The following CTIF variants were observed in gnomAD, a reference collection of about 807,000 sequenced individuals.
The protein encoded by CTIF is cap binding complex dependent translation initiation factor.
CTIF carries 21 observed loss-of-function variants against 66.0 expected under a neutral mutation model. The observed-to-expected ratio is 0.32, with a 90% CI of 0.23 to 0.46. The LOEUF is 0.46. Ranked by LOEUF, CTIF falls within the 20% of genes least tolerant of loss-of-function variation. The pLI, the probability that CTIF is intolerant of heterozygous loss-of-function variation, is 1.00. For synonymous variants in CTIF, 345 were observed against 326.4 expected, an observed-to-expected ratio of 1.06 and a Z score of -0.62; for missense variants, 739 against 812.7, an observed-to-expected ratio of 0.91 and a Z score of 1.10.
chr18:48,734,036 G>A (rs952092065), intron 7 of CTIF, among the ~76,000 whole-genome samples: 2 of 152,266 alleles, frequency 1.3e-5, no homozygotes, highest in African/African-American at 4.8e-5. Flanking sequence ...AAAGCCAGTT[G>A]GCAATGCCAT....
chr18:48,593,642 A>T (rs1420490947), intron 1 of CTIF, among the ~76,000 whole-genome samples: 1 of 151,912 alleles, frequency 6.6e-6, no homozygotes, highest in Non-Finnish European at 1.5e-5. Context: ...TCAGCCTCCC[A>T]AAGTGCTGGG....
At position 48,758,075 on chromosome 18, in the gene CTIF, C is replaced by A; in HGVS notation, c.741C>A (p.Asn247Lys). 6.2e-7 allele frequency: 1 copy of A among 1,614,102 alleles called. No individual in the cohort carries two copies. Among genetic ancestry groups the A allele is most frequent in the African/African-American group, 1.3e-5 (1 of 75,024 alleles). ...GRPTHHGYSQNRRWHHGNMKH... is the reference protein window; with the variant it reads ...GRPTHHGYSQKRRWHHGNMKH... Reference sequence around the variant, plus strand: ...CCACTCACCATGGCTACAGCCAGAACCGGCGCTGGCACCATGGCAACATGA... The same window carrying A: ...CCACTCACCATGGCTACAGCCAGAAACGGCGCTGGCACCATGGCAACATGA... The change falls in exon 8 of 12, where the codon AAC (asparagine) becomes AAA (lysine). Residue 247 changes from asparagine (N) to lysine (K), a missense_variant. Coordinates refer to ENST00000256413, the MANE Select transcript of CTIF (RefSeq NM_014772.3).
At chr18:48,673,467 T>A (rs977382617) in intron 6 of CTIF, 3 of 152,166 alleles carry the variant, frequency 2.0e-5, no homozygotes, top group African/African-American at 7.2e-5. Flanking sequence ...GATTTTTCCA[T>A]CGTCTCCTGT....
chr18:48,693,634 C>T (rs2091964604), intron 6 of CTIF, among the ~76,000 whole-genome samples: 1 of 152,122 alleles, frequency 6.6e-6, no homozygotes, highest in Non-Finnish European at 1.5e-5. Flanking sequence ...GGCAGAAAAC[C>T]AGCACCCAGT....
intron 10 of CTIF, among the ~76,000 whole-genome samples, chr18:48,847,859 C>T (rs750751486): frequency 7.2e-5 from 11 of 152,186 alleles, no homozygotes; most frequent in African/African-American, 2.4e-4. Context: ...GATAGCCTTT[C>T]TTGGATAGAT....
chr18:48,619,861 T>C (rs2090462771), intron 2 of CTIF, 116 bp downstream of exon 2: 1 of 1,037,148 alleles, frequency 9.6e-7, no homozygotes, highest in Non-Finnish European at 1.3e-6. Flanking sequence ...GCATGAATGG[T>C]CCCACCCAGC....
chr18:48,831,613 C>T (rs2068693550), intron 10 of CTIF, among the ~76,000 whole-genome samples: 1 of 152,210 alleles, frequency 6.6e-6, no homozygotes, highest in Non-Finnish European at 1.5e-5. Context: ...GAAACCTTGA[C>T]AATTACAGCA....
intron 1 of CTIF, among the ~76,000 whole-genome samples, chr18:48,563,455 C>T (rs114647377): frequency 6.6e-6 from 1 of 152,140 alleles, no homozygotes; most frequent in Non-Finnish European, 1.5e-5. Flanking sequence ...GTCTCCTGTT[C>T]TAAGGTTTTT....
intron 2 of CTIF, among the ~76,000 whole-genome samples, chr18:48,634,212 C>T (rs1213351629): frequency 6.6e-6 from 1 of 152,054 alleles, no homozygotes; most frequent in East Asian, 1.9e-4. Context: ...CAAGAATACC[C>T]CAGAAGTGAT....
At chr18:48,717,565 C>T (rs533224560) in intron 7 of CTIF, among the ~76,000 whole-genome samples, 6 of 151,948 alleles carry the variant, frequency 3.9e-5, no homozygotes, top group Non-Finnish European at 8.8e-5. Flanking sequence ...CTGATAAAAA[C>T]AAACAGGACA....
Position 48,718,940 on chromosome 18 carries a change from G to A in CTIF, c.584+7245G>A, listed in dbSNP as rs148585426. On this transcript the variant is annotated intron_variant, in intron 7 of 11. Transcript: ENST00000256413. ...CCGTGGAGTCTTCCAGGCCCTCAGC[G>A]TCTGACAGATGCGGCAACTGCAGCT... is the stretch of plus-strand genomic sequence containing the variant. Among the ~76,000 whole-genome samples, 333 of 152,248 alleles carry A rather than the reference G, an allele frequency of 2.2e-3. 3 individuals are homozygous for A. The highest frequency in any genetic ancestry group is 7.4e-3 in the Admixed American group (113 of 15,296).
At chr18:48,679,555 G>A (rs746674916) in intron 6 of CTIF, among the ~76,000 whole-genome samples, 1 of 152,194 alleles carries the variant, frequency 6.6e-6, no homozygotes, top group Admixed American at 6.5e-5. Flanking sequence ...AAGGGTGACT[G>A]TCTTCCTGCC....
intron 3 of CTIF, among the ~76,000 whole-genome samples, chr18:48,648,325 TTCCCTC>T (rs2091088891): frequency 6.6e-6 from 1 of 152,116 alleles, no homozygotes; most frequent in African/African-American, 2.4e-5. Context: ...GGAATGGCCT[TTCCCTC>T]TCCCAGACTC....
intron 2 of CTIF, among the ~76,000 whole-genome samples, chr18:48,635,299 TTTTTTCTTTTTC>T (rs528678487): frequency 0.025 from 3,406 of 133,634 alleles, 50 homozygotes; most frequent in South Asian, 0.042. Context: ...GCTTTTTCTT[TTTTTTCTTTTTC>T]TTTTTCTTTT....
At chr18:48,655,504 C>A (rs1487950710) in intron 3 of CTIF, among the ~76,000 whole-genome samples, 2 of 152,112 alleles carry the variant, frequency 1.3e-5, no homozygotes. Flanking sequence ...TTGCCTCTTG[C>A]CCTCATGGAA....
intron 10 of CTIF, among the ~76,000 whole-genome samples, chr18:48,840,731 G>A (rs1267337572): frequency 1.3e-5 from 2 of 152,066 alleles, no homozygotes; most frequent in African/African-American, 2.4e-5. Context: ...GAGCTTAATT[G>A]TCTCCGGCCC....
rs777361464 is a variant in CTIF, at chr18:48,711,629, C to T, written c.518C>T (p.Pro173Leu). 6.2e-6 allele frequency: 10 copies of T among 1,613,888 alleles called. No individual in the cohort carries two copies. The highest frequency in any genetic ancestry group is 1.7e-5 in the Admixed American group (1 of 60,006). Reference sequence around the variant, plus strand: ...CCCCCCATGACACAGGGCTACCACCCGATGCCCCATGAAGTGGAGATCGCA... The same window carrying T: ...CCCCCCATGACACAGGGCTACCACCTGATGCCCCATGAAGTGGAGATCGCA... ...KVLPAWQGYHPMPHEVEIAHT... is the reference protein window; with the variant it reads ...KVLPAWQGYHLMPHEVEIAHT... The change falls in exon 7 of 12, where the codon CCG (proline) becomes CTG (leucine). Residue 173 changes from proline to leucine, a missense_variant. Physicochemically the swap from Pro to Leu is moderately conservative, Grantham distance 98. Transcript: ENST00000256413.
intron 10 of CTIF, among the ~76,000 whole-genome samples, chr18:48,820,899 C>T (rs1312302914): frequency 2.6e-5 from 4 of 152,208 alleles, no homozygotes; most frequent in Admixed American, 1.3e-4. Flanking sequence ...ACAGAGGCCC[C>T]CTTCATTCTG....
chr18:48,635,356 T>C (rs1190065246), intron 2 of CTIF, among the ~76,000 whole-genome samples: 9 of 143,830 alleles, frequency 6.3e-5, no homozygotes, highest in African/African-American at 2.3e-4. Context: ...TGAGGCTCAC[T>C]CTGTCACCCA....
Sources: allele counts gnomAD v4.1 joint callset (sites outside exome capture counted in the v4.1 genomes callset), GRCh38; gene constraint gnomAD v4.1.1; transcripts MANE v1.5; gene names NCBI Gene and HGNC (gene_info 2026-07-23, HGNC 2026-07-21).